ZNF780B: variants seen among roughly 807,000 people sequenced by gnomAD.
ZNF780B encodes the protein zinc finger protein 779.
In ZNF780B, 52 loss-of-function variants were observed where a neutral mutation model predicts 74.1. That is an observed-to-expected ratio of 0.70 (90% CI 0.56 to 0.88). ZNF780B has a LOEUF of 0.88. ZNF780B is among the 40% of genes least tolerant of loss of function. ZNF780B has a pLI of 0.00. For synonymous variants in ZNF780B, 315 were observed against 324.3 expected (o/e 0.97, Z 0.31); for missense variants, 953 against 1,007.6 (o/e 0.95, Z 0.73).
In ZNF780B at chr19:40,031,793, C is replaced by A. The variant is rs1200573009; in HGVS notation, c.*2564G>T. ...TTTCAATTTTCATTTTGTATTCAAT[C>A]CAGGGCTTAAGTACACGTGACTATA... On this transcript the variant is annotated 3_prime_UTR_variant, in exon 5 of 5. Coordinates refer to ENST00000434248, the MANE Select transcript of ZNF780B (RefSeq NM_001005851.3). 1 of 251,848 alleles carries A rather than the reference C, an allele frequency of 4.0e-6. No individual in the cohort carries two copies. Among genetic ancestry groups the A allele is most frequent in the Non-Finnish European group, 8.1e-6 (1 of 124,110 alleles). 15.6% of individuals were successfully genotyped at this position (251,848 alleles called of 1,614,324 possible). A position where few individuals can be genotyped will look rare whatever the true frequency, so the allele number is the denominator to read the frequency against.
In ZNF780B at chr19:40,035,117, C is replaced by A. The variant is rs769948672; in HGVS notation, c.1742G>T (p.Gly581Val). 1 of 1,613,620 alleles carries A rather than the reference C, an allele frequency of 6.2e-7. No individual in the cohort carries two copies. Among genetic ancestry groups the A allele is most frequent in the Non-Finnish European group, 8.5e-7 (1 of 1,179,768 alleles). ...NLNQHRSIHT[G>V]KKPFECKECG... ...TTCCTTACATTCAAAGGGTTTCTTT[C>A]CGGTATGAATACTTCGATGTTGATT... Residue 581 changes from glycine (G) to valine (V), a missense_variant, in exon 5 of 5, where the codon GGA becomes GTA. Physicochemically the swap from Gly to Val is moderately radical, Grantham distance 109. Coordinates refer to ENST00000434248, the MANE Select transcript of ZNF780B (RefSeq NM_001005851.3).
At chr19:40,050,196 CAAAAAAAAAAAA>C (rs74179712) in intron 2 of ZNF780B, 116 bp downstream of exon 2, 43 of 392,386 alleles carry the variant, frequency 1.1e-4, no homozygotes, top group Non-Finnish European at 1.4e-4. Flanking sequence ...GACTCCGTCT[CAAAAAAAAAAAA>C]AAAAAAAAAA....
chr19:40,037,239 G>A (rs1972383985), intron 4 of ZNF780B, among the ~76,000 whole-genome samples: 1 of 142,992 alleles, frequency 7.0e-6, no homozygotes, highest in Non-Finnish European at 1.5e-5. Context: ...TTTTTTTTAA[G>A]AGACAGGGTC....
At chr19:40,044,944 A>G (rs1206312775) in intron 4 of ZNF780B, among the ~76,000 whole-genome samples, 3 of 152,232 alleles carry the variant, frequency 2.0e-5, no homozygotes, top group East Asian at 1.9e-4. Context: ...TAAGCTGCCT[A>G]CAAGAAACTC....
Position 40,036,250 on chromosome 19 carries a change from T to A in ZNF780B, c.609A>T (p.Gln203His). ...GATGTCGAGTAAGTTGTATGTGAAG[T>A]TGAAAGGCTTTCCCACATTCTTTGC... ...YKCKECGKAF[Q>H]LHIQLTRHQK... is the part of the protein sequence containing the mutation. Residue 203 changes from glutamine (Q) to histidine (H), a missense_variant, in exon 5 of 5, where the codon CAA (glutamine) becomes CAT (histidine). Coordinates refer to ENST00000434248, the MANE Select transcript of ZNF780B (RefSeq NM_001005851.3). 1.9e-6 allele frequency: 3 copies of A among 1,612,022 alleles called. No individual in the cohort carries two copies. Among genetic ancestry groups the A allele is most frequent in the Non-Finnish European group, 2.5e-6 (3 of 1,179,310 alleles).
At chr19:40,038,645 T>C (rs2144739994) in intron 4 of ZNF780B, among the ~76,000 whole-genome samples, 1 of 152,020 alleles carries the variant, frequency 6.6e-6, no homozygotes, top group South Asian at 2.1e-4. Context: ...TGGTTTTGAT[T>C]TGCATTTCTC....
chr19:40,032,118 C>A lies in ZNF780B; in HGVS notation c.*2239G>T. ...CACTATAAAGAAAGAAATCTAAACA[C>A]ATAGCCAACAACATTTCTGGGCTAC... On this transcript the variant is annotated 3_prime_UTR_variant, in exon 5 of 5. Coordinates refer to ENST00000434248, the MANE Select transcript of ZNF780B (RefSeq NM_001005851.3). 1 of 447,418 alleles carries A rather than the reference C, an allele frequency of 2.2e-6. No homozygotes were observed. The highest frequency in any genetic ancestry group is 4.5e-6 in the Non-Finnish European group (1 of 224,532). 27.7% of individuals were successfully genotyped at this position (447,418 alleles called of 1,614,324 possible).
intron 4 of ZNF780B, among the ~76,000 whole-genome samples, chr19:40,042,322 G>T (rs1972685767): frequency 1.3e-5 from 2 of 152,092 alleles, no homozygotes; most frequent in Non-Finnish European, 2.9e-5. Context: ...TTACTCTCTG[G>T]CTGCCCTTAA....
chr19:40,040,807 C>T (rs968084840), intron 4 of ZNF780B, among the ~76,000 whole-genome samples: 1 of 151,966 alleles, frequency 6.6e-6, no homozygotes, highest in African/African-American at 2.4e-5. Flanking sequence ...CTCTTTTCTT[C>T]TTTATTAGTC....
chr19:40,052,026 A>G (rs1024414838), intron 1 of ZNF780B, among the ~76,000 whole-genome samples: 1 of 152,200 alleles, frequency 6.6e-6, no homozygotes, highest in Non-Finnish European at 1.5e-5. Flanking sequence ...TTCTTTATAG[A>G]CATCATTTTA....
intron 4 of ZNF780B, among the ~76,000 whole-genome samples, chr19:40,037,897 T>A (rs1334764360): frequency 1.3e-5 from 2 of 149,418 alleles, no homozygotes; most frequent in Non-Finnish European, 3.0e-5. Flanking sequence ...TTTCTGTTTA[T>A]ATATATATAT....
chr19:40,036,173 G>C lies in ZNF780B; in HGVS notation c.686C>G (p.Ala229Gly). ...ATTAAGCTGGGTGGGAAGATTAAAGGCTTTTCCACATTCCTTACATTCAAA... is the reference window on the plus strand; with the variant it reads ...ATTAAGCTGGGTGGGAAGATTAAAGCCTTTTCCACATTCCTTACATTCAAA... ...KTFECKECGK[A>G]FNLPTQLNRH... Residue 229 changes from alanine (A) to glycine (G), a missense_variant, in exon 5 of 5, where the codon GCC becomes GGC. Ala to Gly is a moderately conservative substitution (Grantham distance 60). Transcript: ENST00000434248. The C allele has an allele frequency of 1.2e-6, 2 of 1,613,834 alleles. No homozygotes were observed. The highest frequency in any genetic ancestry group is 1.7e-6 in the Non-Finnish European group (2 of 1,179,944).
In ZNF780B at chr19:40,035,397, G is replaced by T; in HGVS notation, c.1462C>A (p.Leu488Ile). 2 of 1,614,162 alleles carry T rather than the reference G, an allele frequency of 1.2e-6. No individual in the cohort carries two copies. Among genetic ancestry groups the T allele is most frequent in the South Asian group, 1.1e-5 (1 of 91,086 alleles). The change falls in exon 5 of 5, where the codon CTT becomes ATT. Residue 488 changes from leucine to isoleucine, a missense_variant. By Grantham distance (5) the Leu-to-Ile change is conservative. Coordinates refer to ENST00000434248, the MANE Select transcript of ZNF780B (RefSeq NM_001005851.3). ...GTATGAATGTTCTTATGTCGAGCAAGCTGTGTCAGAAGACTAAAGGCCTTT... is the reference window on the plus strand; with the variant it reads ...GTATGAATGTTCTTATGTCGAGCAATCTGTGTCAGAAGACTAAAGGCCTTT... ...CGKAFSLLTQ[L>I]ARHKNIHTGE...
chr19:40,047,416 G>A lies in ZNF780B; in HGVS notation c.191C>T (p.Pro64Leu), dbSNP rs749893667. ...VITLLEQEKE[P>L]WIVVSKETSR... is the part of the protein sequence containing the mutation. ...TGTTTCTTTACTTACAACAATCCAGGGCTCTTTCTCTTGCTCTAGTAATGT... is the reference window on the plus strand; with the variant it reads ...TGTTTCTTTACTTACAACAATCCAGAGCTCTTTCTCTTGCTCTAGTAATGT... Residue 64 changes from proline to leucine, a missense_variant, in exon 4 of 5, where the codon CCC becomes CTC. Physicochemically the swap from Pro to Leu is moderately conservative, Grantham distance 98 (BLOSUM62 -3). Coordinates refer to ENST00000434248, the MANE Select transcript of ZNF780B (RefSeq NM_001005851.3). 5.0e-6 allele frequency: 8 copies of A among 1,613,724 alleles called. No individual in the cohort carries two copies. In the South Asian group the frequency reaches 8.8e-5, roughly 18 times the overall value.
chr19:40,035,828 A>G lies in ZNF780B; in HGVS notation c.1031T>C (p.Leu344Pro). 1 of 1,614,098 alleles carries G rather than the reference A, an allele frequency of 6.2e-7. No individual in the cohort carries two copies. The highest frequency in any genetic ancestry group is 8.5e-7 in the Non-Finnish European group (1 of 1,180,018). The change falls in exon 5 of 5, where the codon CTT becomes CCT. Residue 344 changes from leucine to proline, a missense_variant. Leu to Pro is a moderately conservative substitution (Grantham distance 98, BLOSUM62 -3). Coordinates refer to ENST00000434248, the MANE Select transcript of ZNF780B (RefSeq NM_001005851.3). ...CTGATGTCGAACAAGCTTTGTCAGAAGAGTAAAGGCCTTTCTGCATTCTTT... is the reference window on the plus strand; with the variant it reads ...CTGATGTCGAACAAGCTTTGTCAGAGGAGTAAAGGCCTTTCTGCATTCTTT... ...ECKECRKAFT[L>P]LTKLVRHQKI...
chr19:40,046,594 C>T (rs1436373839), intron 4 of ZNF780B, among the ~76,000 whole-genome samples: 1 of 152,206 alleles, frequency 6.6e-6, no homozygotes, highest in Non-Finnish European at 1.5e-5. Flanking sequence ...CAAGCAAGCC[C>T]ACTTCCAGAC....
intron 1 of ZNF780B, among the ~76,000 whole-genome samples, chr19:40,053,918 C>T (rs1236244050): frequency 2.0e-5 from 3 of 152,322 alleles, no homozygotes; most frequent in Non-Finnish European, 4.4e-5. Context: ...AGGCGAAGGC[C>T]GAGGCAGGCG....
chr19:40,044,722 A>T (rs914811747), intron 4 of ZNF780B, among the ~76,000 whole-genome samples: 1 of 152,228 alleles, frequency 6.6e-6, no homozygotes, highest in African/African-American at 2.4e-5. Context: ...AGGACAAAGG[A>T]CTCAAATGTT....
At chr19:40,051,078 A>G (rs1973208333) in intron 1 of ZNF780B, among the ~76,000 whole-genome samples, 1 of 152,228 alleles carries the variant, frequency 6.6e-6, no homozygotes. Context: ...ACATCAATAC[A>G]AAAATTTAGA....
Sources: allele counts gnomAD v4.1 joint callset (sites outside exome capture counted in the v4.1 genomes callset), GRCh38; gene constraint gnomAD v4.1.1; transcripts MANE v1.5; gene names NCBI Gene and HGNC (gene_info 2026-07-23, HGNC 2026-07-21).